Variants in TMTC2 observed in about 807,000 individuals in gnomAD.
TMTC2 encodes the protein protein O-mannosyl-transferase TMTC2.
Under a neutral mutation model 82.4 loss-of-function variants are expected in TMTC2, and 43 were observed. The observed-to-expected ratio is 0.52, with a 90% confidence interval of 0.41 to 0.67. The LOEUF is 0.67. TMTC2 is among the 30% of genes least tolerant of loss of function. The pLI is 0.00. For synonymous variants in TMTC2, 408 were observed against 381.9 expected, an observed-to-expected ratio of 1.07 and a Z score of -0.80; for missense variants, 919 against 1,012.4, an observed-to-expected ratio of 0.91 and a Z score of 1.25.
chr12:82,901,364 G>A (rs1874012144), intron 3 of TMTC2, among the ~76,000 whole-genome samples: 1 of 146,800 alleles, frequency 6.8e-6, no homozygotes, highest in Non-Finnish European at 1.5e-5. Flanking sequence ...GCATGCAGTG[G>A]TGCGATCTTG....
chr12:82,859,774 C>T (rs1871440311), intron 2 of TMTC2, among the ~76,000 whole-genome samples: 1 of 152,110 alleles, frequency 6.6e-6, no homozygotes, highest in Admixed American at 6.5e-5. Context: ...GAGAAGTTTC[C>T]AGATGGCTCT....
At chr12:82,903,705 G>A (rs540024927) in intron 3 of TMTC2, among the ~76,000 whole-genome samples, 55 of 152,214 alleles carry the variant, frequency 3.6e-4, no homozygotes, top group Non-Finnish European at 7.1e-4. Context: ...GAGCCACCGC[G>A]CCCCGCCGAT....
chr12:82,812,466 C>G (rs1353049665), intron 1 of TMTC2, among the ~76,000 whole-genome samples: 1 of 152,004 alleles, frequency 6.6e-6, no homozygotes, highest in Non-Finnish European at 1.5e-5. Flanking sequence ...CTGACTTAGC[C>G]AAGTTTTTTG....
At chr12:82,977,013 A>C (rs1356387455) in intron 7 of TMTC2, among the ~76,000 whole-genome samples, 1 of 152,016 alleles carries the variant, frequency 6.6e-6, no homozygotes, top group Non-Finnish European at 1.5e-5. Context: ...AATATATAAA[A>C]GATTGTGTGT....
In TMTC2 at chr12:82,725,168, G is replaced by C. The variant is rs949080922; in HGVS notation, c.83+37499G>C. On this transcript the variant is annotated intron_variant, in intron 1 of 11. Coordinates refer to ENST00000321196, the MANE Select transcript of TMTC2 (RefSeq NM_152588.3). The stretch of plus-strand genomic sequence containing the variant: ...AAAAAACAAAAAAACTATCAGTAGA[G>C]AATATTTTTAGAAGACATCCAGATA... Among the ~76,000 whole-genome samples, 5 of 152,024 alleles carry C rather than the reference G, an allele frequency of 3.3e-5. No individual in the cohort carries two copies. In the South Asian group the frequency reaches 1.0e-3, roughly 32 times the overall value.
At chr12:82,739,456 C>T (rs1433092312) in intron 1 of TMTC2, among the ~76,000 whole-genome samples, 1 of 151,768 alleles carries the variant, frequency 6.6e-6, no homozygotes, top group East Asian at 1.9e-4. Flanking sequence ...ATGGCTGTAC[C>T]TAGATGGGCC....
chr12:82,931,465 G>C (rs1002686134), intron 4 of TMTC2, among the ~76,000 whole-genome samples: 2 of 152,180 alleles, frequency 1.3e-5, no homozygotes, highest in African/African-American at 4.8e-5. Flanking sequence ...ACAACGAGAT[G>C]TGAGTAGATA....
At chr12:83,018,932 A>G (rs1880796615) in intron 8 of TMTC2, among the ~76,000 whole-genome samples, 1 of 152,192 alleles carries the variant, frequency 6.6e-6, no homozygotes, top group African/African-American at 2.4e-5. Context: ...AAACAATTCT[A>G]CTAAATTGGT....
chr12:83,096,344 C>T (rs1042340941), intron 11 of TMTC2, among the ~76,000 whole-genome samples: 11 of 152,246 alleles, frequency 7.2e-5, no homozygotes, highest in Non-Finnish European at 1.3e-4. Flanking sequence ...TTTGCCATCA[C>T]ATCTCACATT....
At chr12:82,805,063 G>A (rs192595915) in intron 1 of TMTC2, among the ~76,000 whole-genome samples, 92 of 152,244 alleles carry the variant, frequency 6.0e-4, no homozygotes, top group East Asian at 5.6e-3. Context: ...CTACTGCTGT[G>A]TCTGGTTTCC....
chr12:82,888,484 C>T (rs1008623104), intron 2 of TMTC2, among the ~76,000 whole-genome samples: 3 of 152,066 alleles, frequency 2.0e-5, no homozygotes, highest in African/African-American at 7.2e-5. Flanking sequence ...GATGAGGTCT[C>T]GCTATGTTGT....
intron 11 of TMTC2, among the ~76,000 whole-genome samples, chr12:83,106,869 T>C (rs1884422040): frequency 6.6e-6 from 1 of 152,240 alleles, no homozygotes; most frequent in Admixed American, 6.5e-5. Flanking sequence ...GGCAGCCTTT[T>C]ACTGAAGAAA....
chr12:82,997,175 T>TCTTC (rs150688624), intron 8 of TMTC2, among the ~76,000 whole-genome samples: 1 of 114,512 alleles, frequency 8.7e-6, no homozygotes, highest in South Asian at 3.1e-4. Flanking sequence ...TCTCTCTCTC[T>TCTTC]CCCACCCCTC....
At chr12:82,732,134 T>C (rs910497931) in intron 1 of TMTC2, among the ~76,000 whole-genome samples, 7 of 152,182 alleles carry the variant, frequency 4.6e-5, no homozygotes, top group Non-Finnish European at 7.3e-5. Context: ...TAAGTACTTA[T>C]GTATTTAAAA....
At chr12:82,902,784 G>T (rs908055616) in intron 3 of TMTC2, among the ~76,000 whole-genome samples, 1 of 152,214 alleles carries the variant, frequency 6.6e-6, no homozygotes, top group East Asian at 1.9e-4. Flanking sequence ...TGGGTGATAG[G>T]TTCAGTTGTG....
chr12:82,745,473 C>T (rs1875641928), intron 1 of TMTC2, among the ~76,000 whole-genome samples: 1 of 152,114 alleles, frequency 6.6e-6, no homozygotes. Flanking sequence ...GTTTTGTTAT[C>T]CATGGGAGCC....
intron 1 of TMTC2, among the ~76,000 whole-genome samples, chr12:82,799,815 C>T (rs752796081): frequency 1.6e-4 from 25 of 151,976 alleles, no homozygotes; most frequent in Non-Finnish European, 5.9e-5. Context: ...CCGATGAATC[C>T]CTCAGAGTTG....
intron 1 of TMTC2, among the ~76,000 whole-genome samples, chr12:82,792,723 A>G (rs529802079): frequency 3.4e-4 from 51 of 151,892 alleles, no homozygotes; most frequent in Non-Finnish European, 6.2e-4. Flanking sequence ...CTCCCACCTT[A>G]GCCTCTCAAA....
At chr12:82,876,040 T>TGGTGGTGGTGGTGGCGGC (rs1872489027) in intron 2 of TMTC2, among the ~76,000 whole-genome samples, 1 of 107,770 alleles carries the variant, frequency 9.3e-6, no homozygotes, top group African/African-American at 3.4e-5. Context: ...GTGGTGGTGG[T>TGGTGGTGGTGGTGGCGGC]GGTGGTGGTG....
Sources: allele counts gnomAD v4.1 joint callset (sites outside exome capture counted in the v4.1 genomes callset), GRCh38; gene constraint gnomAD v4.1.1; transcripts MANE v1.5; gene names NCBI Gene and HGNC (gene_info 2026-07-23, HGNC 2026-07-21).